PTPRN2: variants seen among roughly 807,000 people sequenced by gnomAD.
PTPRN2 encodes receptor-type tyrosine-protein phosphatase N2.
A neutral mutation model predicts 118.8 loss-of-function variants in PTPRN2; 74 were observed. The ratio of observed to expected loss-of-function variants is 0.62; its 90% CI spans 0.52 to 0.76. The LOEUF (loss-of-function observed/expected upper bound fraction) is 0.76, where lower values mean the gene tolerates loss of function less well. PTPRN2 is among the 30% of genes least tolerant of loss of function. The pLI is 0.00. For missense variants in PTPRN2, 1,481 were observed against 1,394.4 expected (o/e 1.06, Z -0.99); for synonymous variants, 641 against 608.0 (o/e 1.05, Z -0.80).
At chr7:158,334,123 C>G (rs1167367877) in intron 2 of PTPRN2, among the ~76,000 whole-genome samples, 42 of 46,004 alleles carry the variant, frequency 9.1e-4, no homozygotes, top group East Asian at 2.1e-3. Context: ...CACTCACACC[C>G]ACACTCTCAC....
intron 2 of PTPRN2, among the ~76,000 whole-genome samples, chr7:158,352,511 G>A (rs2151270662): frequency 6.6e-6 from 1 of 152,338 alleles, no homozygotes; most frequent in African/African-American, 2.4e-5. Context: ...CCTGAGGTGG[G>A]TCAGGCCCCT....
At position 157,676,036 on chromosome 7, in the gene PTPRN2, C is replaced by G. The variant is rs540537145; in HGVS notation, c.2001+6689G>C. On this transcript the variant is annotated intron_variant, in intron 13 of 22. Coordinates refer to ENST00000389418, the MANE Select transcript of PTPRN2 (RefSeq NM_002847.5). The surrounding 1 kb of genome is among the most constrained non-coding windows in gnomAD (Gnocchi z 5.6). Reference sequence around the variant, plus strand: ...TCCTCTTGGGGTCACTCAGCCACACCGAGCCATGGACCGTCCCTTGGAGCG... The same window carrying G: ...TCCTCTTGGGGTCACTCAGCCACACGGAGCCATGGACCGTCCCTTGGAGCG... Among the ~76,000 whole-genome samples the G allele has an allele frequency of 6.6e-6, 1 of 152,122 alleles. No individual in the cohort carries two copies. The highest frequency in any genetic ancestry group is 2.1e-4 in the South Asian group (1 of 4,822).
chr7:158,239,049 T>C (rs976834888), intron 3 of PTPRN2, among the ~76,000 whole-genome samples: 1 of 152,140 alleles, frequency 6.6e-6, no homozygotes, highest in African/African-American at 2.4e-5. Flanking sequence ...GGCAGGCAGC[T>C]GCCACCCGAG....
At chr7:158,394,039 C>T (rs1238350158) in intron 2 of PTPRN2, among the ~76,000 whole-genome samples, 2 of 151,694 alleles carry the variant, frequency 1.3e-5, no homozygotes, top group Admixed American at 1.3e-4. Flanking sequence ...CCTCGCTCCC[C>T]CTCTGTCCCT....
chr7:158,067,951 G>A (rs13247151), intron 11 of PTPRN2, among the ~76,000 whole-genome samples: 27,790 of 152,184 alleles, frequency 0.18, 3,215 homozygotes, highest in Middle Eastern at 0.33. Flanking sequence ...GGGCAGACAG[G>A]GTGGGGTCTG....
intron 12 of PTPRN2, among the ~76,000 whole-genome samples, chr7:157,762,009 G>A (rs1191971880): frequency 6.6e-6 from 1 of 152,144 alleles, no homozygotes; most frequent in African/African-American, 2.4e-5. Context: ...ATCATCACTG[G>A]CCATCAGAGA....
chr7:157,737,305 C>T (rs1800356479), intron 12 of PTPRN2, among the ~76,000 whole-genome samples: 2 of 152,210 alleles, frequency 1.3e-5, no homozygotes, highest in South Asian at 4.1e-4. Flanking sequence ...GACGCGGCCC[C>T]CAGCAGTGTT....
chr7:157,683,071 G>A lies in PTPRN2; in HGVS notation c.1789-134C>T, dbSNP rs148287822. On this transcript the variant is annotated intron_variant, in intron 12 of 22. Coordinates refer to ENST00000389418, the MANE Select transcript of PTPRN2 (RefSeq NM_002847.5). ...GCTGTGCTGGCCCTGGAGCCACAAC[G>A]GGAGGGCCCTGCGGAACAACCCCCG... The A allele has an allele frequency of 3.9e-3, 2,948 of 749,376 alleles. 46 individuals carry two copies. The African/African-American group carries it at 0.041, about 10-fold the overall frequency. The allele number at this position is 749,376 out of a possible 1,614,324, so 46.4% of individuals were successfully genotyped here. A position where few individuals can be genotyped will look rare whatever the true frequency, so the allele number is the denominator to read the frequency against.
intron 12 of PTPRN2, among the ~76,000 whole-genome samples, chr7:157,887,443 A>ACCTGCTCCC: frequency 3.7e-5 from 1 of 27,086 alleles, no homozygotes; most frequent in Non-Finnish European, 6.8e-5. Context: ...CTCCCCCAGT[A>ACCTGCTCCC]CCCACTTCCT....
At chr7:157,866,397 TAC>T (rs1348049674) in intron 12 of PTPRN2, among the ~76,000 whole-genome samples, 1 of 152,052 alleles carries the variant, frequency 6.6e-6, no homozygotes, top group African/African-American at 2.4e-5. Flanking sequence ...CGTCCACATG[TAC>T]ACACATACAT....
chr7:158,489,760 G>A lies in PTPRN2; in HGVS notation c.138C>T (p.Cys46=), dbSNP rs1586788389. 1.0e-5 allele frequency: 16 copies of A among 1,582,706 alleles called. No homozygotes were observed. The highest frequency in any genetic ancestry group is 2.3e-5 in the East Asian group (1 of 43,220). The change falls in exon 2 of 23, where the codon TGC becomes TGT. Residue 46 remains cysteine, a synonymous_variant. Coordinates refer to ENST00000389418, the MANE Select transcript of PTPRN2 (RefSeq NM_002847.5). ...RLGCLLEEGL[C]GASEACVNDG... ...CGTTCACACAGGCCTCGGACGCTCC[G>A]CAGAGGCCCTCCTCGAGCAGGCAGC...
intron 2 of PTPRN2, among the ~76,000 whole-genome samples, chr7:158,330,634 C>G (rs565094994): frequency 3.0e-5 from 3 of 101,184 alleles, no homozygotes; most frequent in African/African-American, 9.3e-5. Context: ...GAGGTGACAT[C>G]TGCAGACGTC....
chr7:158,556,125 G>A (rs1826967261), intron 1 of PTPRN2, among the ~76,000 whole-genome samples: 1 of 152,218 alleles, frequency 6.6e-6, no homozygotes, highest in Non-Finnish European at 1.5e-5. Context: ...ATGTTCTATT[G>A]ATAGATGATG....
intron 3 of PTPRN2, among the ~76,000 whole-genome samples, chr7:158,278,726 G>A (rs779680955): frequency 9.2e-5 from 14 of 152,218 alleles, no homozygotes; most frequent in Non-Finnish European, 2.1e-4. Flanking sequence ...TGTGTCCAGA[G>A]TTTCTTTCTT....
chr7:157,614,487 A>C (rs1424185406), intron 15 of PTPRN2, among the ~76,000 whole-genome samples: 1 of 152,238 alleles, frequency 6.6e-6, no homozygotes, highest in Non-Finnish European at 1.5e-5. Flanking sequence ...AAGAGACACA[A>C]AACCCAAAAT....
chr7:157,546,532 G>A (rs2116981322), intron 22 of PTPRN2, among the ~76,000 whole-genome samples: 1 of 152,290 alleles, frequency 6.6e-6, no homozygotes, highest in African/African-American at 2.4e-5. Flanking sequence ...GGCAGTGTTT[G>A]GTTTTCTGTT....
intron 13 of PTPRN2, 105 bp downstream of exon 13, chr7:157,682,620 C>G: frequency 8.3e-7 from 1 of 1,204,548 alleles, no homozygotes; most frequent in East Asian, 2.3e-5. Flanking sequence ...AACTATGATA[C>G]AGGAACAACT....
intron 2 of PTPRN2, among the ~76,000 whole-genome samples, chr7:158,346,384 G>A (rs575964196): frequency 1.3e-5 from 2 of 152,300 alleles, no homozygotes; most frequent in African/African-American, 2.4e-5. Flanking sequence ...AGATCATGCG[G>A]TATTTGTCTT....
At chr7:158,413,615 T>C (rs976260170) in intron 2 of PTPRN2, among the ~76,000 whole-genome samples, 1 of 152,218 alleles carries the variant, frequency 6.6e-6, no homozygotes, top group Admixed American at 6.5e-5. Context: ...GTGGGCTCCA[T>C]GGCGACCTCA....
Sources: allele counts gnomAD v4.1 joint callset (sites outside exome capture counted in the v4.1 genomes callset), GRCh38; gene constraint gnomAD v4.1.1; non-coding constraint Gnocchi (gnomAD v3.1); transcripts MANE v1.5; gene names NCBI Gene and HGNC (gene_info 2026-07-23, HGNC 2026-07-21).